Variants in SPAG16 observed in about 807,000 individuals in gnomAD.
SPAG16 encodes sperm-associated antigen 16 protein.
SPAG16 carries 86 observed loss-of-function variants against 80.4 expected under a neutral mutation model. That is an observed-to-expected ratio of 1.07 (90% CI 0.90 to 1.28). The LOEUF (loss-of-function observed/expected upper bound fraction) is 1.28, where lower values mean the gene tolerates loss of function less well. Among genes scored for constraint, SPAG16 ranks in the 50% most tolerant of loss-of-function variants. SPAG16 has a pLI of 0.00. For synonymous variants in SPAG16, 294 were observed against 265.9 expected (o/e 1.11, Z -1.03); for missense variants, 870 against 765.3 (o/e 1.14, Z -1.61).
intron 15 of SPAG16, among the ~76,000 whole-genome samples, chr2:214,258,471 G>GTGTGTGTGTGTATATATATATATA (rs1553539128): frequency 7.8e-5 from 11 of 141,414 alleles, no homozygotes; most frequent in African/African-American, 1.6e-4. Flanking sequence ...ATGTGTGTGT[G>GTGTGTGTGTGTATATATATATATA]TATATATATA....
At chr2:213,313,492 GGGA>G (rs2063286022) in intron 4 of SPAG16, among the ~76,000 whole-genome samples, 1 of 151,746 alleles carries the variant, frequency 6.6e-6, no homozygotes, top group Non-Finnish European at 1.5e-5. Flanking sequence ...AAAGGGGATA[GGGA>G]GATTAGGAAA....
At chr2:213,296,665 G>A (rs1440728928) in intron 2 of SPAG16, among the ~76,000 whole-genome samples, 4 of 152,206 alleles carry the variant, frequency 2.6e-5, no homozygotes, top group African/African-American at 9.7e-5. Flanking sequence ...GCCTGGGTGA[G>A]CAAGAGACAG....
At chr2:214,238,901 T>G (rs965637175) in intron 15 of SPAG16, 11 of 152,172 alleles carry the variant, frequency 7.2e-5, no homozygotes, top group African/African-American at 2.2e-4. Flanking sequence ...ATTGCCACAC[T>G]TGGCTGTTCA....
intron 15 of SPAG16, among the ~76,000 whole-genome samples, chr2:214,283,944 T>C (rs1016247987): frequency 2.6e-5 from 4 of 152,208 alleles, no homozygotes; most frequent in African/African-American, 4.8e-5. Context: ...AAATCAGTAA[T>C]TTATTAAATA....
chr2:213,660,179 G>C (rs1280435906), intron 10 of SPAG16, among the ~76,000 whole-genome samples: 1 of 151,644 alleles, frequency 6.6e-6, no homozygotes, highest in Non-Finnish European at 1.5e-5. Flanking sequence ...TGGATAGTTA[G>C]ACATAAGAGT....
At chr2:213,651,771 C>T (rs2063032296) in intron 10 of SPAG16, among the ~76,000 whole-genome samples, 1 of 151,882 alleles carries the variant, frequency 6.6e-6, no homozygotes, top group Non-Finnish European at 1.5e-5. Context: ...TAGGTTGTTT[C>T]GATATTGTTT....
rs138564505 is a variant in SPAG16 at position 213,794,470 on chromosome 2, C to T, written c.1071-68015C>T. Among the ~76,000 whole-genome samples the T allele has an allele frequency of 8.3e-3, 1,259 of 152,146 alleles. 18 individuals are homozygous for T. The highest frequency in any genetic ancestry group is 0.029 in the African/African-American group (1,194 of 41,530). Reference sequence around the variant, plus strand: ...AATAGATTCCTTTTCTGCATGTTCCCTTTCCTGGTCTTTTTGGGTACTTTG... The same window carrying T: ...AATAGATTCCTTTTCTGCATGTTCCTTTTCCTGGTCTTTTTGGGTACTTTG... On this transcript the variant is annotated intron_variant, in intron 10 of 15. Transcript: ENST00000331683.
intron 11 of SPAG16, among the ~76,000 whole-genome samples, chr2:213,909,049 G>A (rs2077547529): frequency 6.6e-6 from 1 of 151,480 alleles, no homozygotes; most frequent in Non-Finnish European, 1.5e-5. Flanking sequence ...CAAAATCAAT[G>A]TACAAAAATC....
chr2:214,289,685 T>C (rs1176437099), intron 15 of SPAG16, among the ~76,000 whole-genome samples: 1 of 152,234 alleles, frequency 6.6e-6, no homozygotes, highest in Non-Finnish European at 1.5e-5. Context: ...TTTGTTCCTT[T>C]GGCTGAGGAT....
At chr2:214,306,620 A>C (rs1037150217) in intron 15 of SPAG16, among the ~76,000 whole-genome samples, 1 of 152,170 alleles carries the variant, frequency 6.6e-6, no homozygotes, top group Non-Finnish European at 1.5e-5. Flanking sequence ...CCTTTTCTGC[A>C]TCTGTTGAGA....
intron 10 of SPAG16, among the ~76,000 whole-genome samples, chr2:213,598,271 C>T (rs1200318581): frequency 6.6e-6 from 1 of 152,194 alleles, no homozygotes; most frequent in African/African-American, 2.4e-5. Context: ...AGAGAACCTT[C>T]AGAGGGTGAA....
At chr2:214,378,467 A>G (rs1001892583) in intron 15 of SPAG16, among the ~76,000 whole-genome samples, 1 of 152,164 alleles carries the variant, frequency 6.6e-6, no homozygotes, top group African/African-American at 2.4e-5. Context: ...TTTCTGTTTC[A>G]CTGATGTTAT....
At chr2:213,864,242 G>A (rs965455829) in intron 11 of SPAG16, among the ~76,000 whole-genome samples, 5 of 152,062 alleles carry the variant, frequency 3.3e-5, no homozygotes, top group African/African-American at 1.2e-4. Context: ...TACAGATAGT[G>A]TTGATAGATT....
chr2:214,386,439 T>C (rs746975693), intron 15 of SPAG16, among the ~76,000 whole-genome samples: 2 of 152,096 alleles, frequency 1.3e-5, no homozygotes, highest in Middle Eastern at 3.4e-3. Context: ...TTTATGAACA[T>C]TGTTTTTTAA....
chr2:213,447,208 T>C (rs967263329), intron 9 of SPAG16, among the ~76,000 whole-genome samples: 7 of 152,190 alleles, frequency 4.6e-5, no homozygotes, highest in Admixed American at 4.6e-4. Flanking sequence ...TTATTTCTCA[T>C]TGGGAGGACA....
chr2:214,262,994 T>C (rs895819802), intron 15 of SPAG16, among the ~76,000 whole-genome samples: 3 of 152,106 alleles, frequency 2.0e-5, no homozygotes, highest in African/African-American at 7.2e-5. Context: ...ACGTGATATT[T>C]TGATATATGC....
chr2:214,361,618 T>G (rs999730141), intron 15 of SPAG16, among the ~76,000 whole-genome samples: 2 of 151,888 alleles, frequency 1.3e-5, no homozygotes, highest in African/African-American at 4.8e-5. Flanking sequence ...GTAGAGATGG[T>G]TGGACTTACA....
intron 9 of SPAG16, among the ~76,000 whole-genome samples, chr2:213,375,805 C>T (rs1485486913): frequency 6.6e-6 from 1 of 151,664 alleles, no homozygotes; most frequent in Non-Finnish European, 1.5e-5. Context: ...ATTATAATAG[C>T]TTCTTAGTAA....
intron 15 of SPAG16, among the ~76,000 whole-genome samples, chr2:214,171,029 A>C (rs2056851798): frequency 6.6e-6 from 1 of 152,006 alleles, no homozygotes; most frequent in Admixed American, 6.6e-5. Flanking sequence ...GGATTTGCTG[A>C]AGGGTGTCTA....
Sources: gnomAD v4.1 joint callset for allele counts (sites outside exome capture counted in the v4.1 genomes callset) on GRCh38, gnomAD v4.1.1 for gene constraint, MANE v1.5 for transcripts, NCBI Gene and HGNC (gene_info 2026-07-23, HGNC 2026-07-21) for gene names.